The following ITCH variants were observed in gnomAD, a reference collection of about 807,000 sequenced individuals.
ITCH encodes the protein itchy E3 ubiquitin protein ligase, also known as E3 ubiquitin-protein ligase Itchy homolog.
In ITCH, 28 loss-of-function variants were observed where a neutral mutation model predicts 126.8. The observed-to-expected ratio is 0.22, with a 90% confidence interval of 0.16 to 0.30. ITCH has a LOEUF of 0.30. Ranked by LOEUF, ITCH falls within the 10% of genes least tolerant of loss-of-function variation. ITCH has a pLI of 1.00. For synonymous variants in ITCH, 342 were observed against 340.0 expected, an observed-to-expected ratio of 1.01 and a Z score of -0.06; for missense variants, 631 against 1,032.4, an observed-to-expected ratio of 0.61 and a Z score of 5.33.
Position 34,509,095 on chromosome 20 carries a change from C to T in ITCH, c.*1301C>T, listed in dbSNP as rs1488246258. 1 of 152,630 alleles carries T rather than the reference C, an allele frequency of 6.6e-6. No individual in the cohort carries two copies. Among genetic ancestry groups the T allele is most frequent in the African/African-American group, 2.4e-5 (1 of 41,444 alleles). The allele number at this position is 152,630 out of a possible 1,614,324, so 9.5% of individuals were successfully genotyped here. On this transcript the variant is annotated 3_prime_UTR_variant, in exon 25 of 25. Transcript: ENST00000374864. ...TGATAACCCTCATCTGCAATATTTTCACCCCTAAAATTTTTAACAGGGTTT... is the reference window on the plus strand; with the variant it reads ...TGATAACCCTCATCTGCAATATTTTTACCCCTAAAATTTTTAACAGGGTTT...
At chr20:34,428,494 A>G (rs146988799) in intron 7 of ITCH, among the ~76,000 whole-genome samples, 157 of 152,108 alleles carry the variant, frequency 1.0e-3, no homozygotes, top group African/African-American at 3.7e-3. Flanking sequence ...TCTTCTGTTT[A>G]TTTGTTTATT....
chr20:34,438,338 C>A, intron 7 of ITCH, 136 bp from the exon 8 acceptor site: 1 of 846,950 alleles, frequency 1.2e-6, no homozygotes, highest in Non-Finnish European at 1.9e-6. Flanking sequence ...TTTAATAAGG[C>A]TGACCAGAAA....
intron 4 of ITCH, 37 bp from the exon 5 acceptor site, chr20:34,412,478 T>C (rs1277898103): frequency 2.0e-6 from 3 of 1,471,188 alleles, no homozygotes; most frequent in African/African-American, 2.8e-5. Context: ...TGATATTCAA[T>C]AAAAATAATA....
intron 2 of ITCH, among the ~76,000 whole-genome samples, chr20:34,372,533 A>G (rs2037679905): frequency 6.6e-6 from 1 of 151,160 alleles, no homozygotes; most frequent in African/African-American, 2.4e-5. Flanking sequence ...GGCACCCGCC[A>G]CCATGCCTGG....
At position 34,497,603 on chromosome 20, in the gene ITCH, A is replaced by G. The variant is rs115984298; in HGVS notation, c.2416+5006A>G. ...TTTTGTTTTTGTTTTTTGAGATGGA[A>G]TGTATCACTCTGTCACCCAGGCTGG... On this transcript the variant is annotated intron_variant, in intron 23 of 24. Transcript: ENST00000374864. Among the ~76,000 whole-genome samples, 1,186 of 152,050 alleles carry G rather than the reference A, an allele frequency of 7.8e-3. 17 individuals are homozygous for G. The highest frequency in any genetic ancestry group is 0.027 in the African/African-American group (1,121 of 41,484).
chr20:34,374,102 C>G (rs1018682359), intron 2 of ITCH, among the ~76,000 whole-genome samples: 4 of 151,998 alleles, frequency 2.6e-5, no homozygotes, highest in African/African-American at 9.7e-5. Context: ...CCAGGATGGA[C>G]TTTTTATTTT....
intron 2 of ITCH, among the ~76,000 whole-genome samples, chr20:34,381,918 G>T (rs1043272485): frequency 6.6e-6 from 1 of 150,880 alleles, no homozygotes. Context: ...TTTCTCAATT[G>T]TTTTCTTTAA....
chr20:34,456,644 ATATAT>A (rs1427829769), intron 12 of ITCH, among the ~76,000 whole-genome samples: 1 of 90,414 alleles, frequency 1.1e-5, no homozygotes, highest in Non-Finnish European at 2.4e-5. Context: ...AAAAAAAAAA[ATATAT>A]ATATATATAT....
At chr20:34,447,798 G>A (rs1984644833) in intron 11 of ITCH, among the ~76,000 whole-genome samples, 1 of 152,106 alleles carries the variant, frequency 6.6e-6, no homozygotes. Flanking sequence ...CTAAATCCAA[G>A]AGTTATTATA....
intron 12 of ITCH, among the ~76,000 whole-genome samples, chr20:34,454,822 T>TTG (rs1985711304): frequency 2.6e-5 from 1 of 38,376 alleles, no homozygotes; most frequent in East Asian, 6.3e-4. Context: ...TTCCTGTTTT[T>TTG]TTTTTTTTTT....
rs1018637170 is a variant in ITCH at position 34,511,220 on chromosome 20, A to G, written c.*3426A>G. On this transcript the variant is annotated 3_prime_UTR_variant, in exon 25 of 25. Coordinates refer to ENST00000374864, the MANE Select transcript of ITCH (RefSeq NM_031483.7). ...TGGAATTGGCAGCACTGGATTGTAT[A>G]TTACTGTATTAAGAGTACCTTTGTT... 3.3e-5 allele frequency: 5 copies of G among 152,148 alleles called. No homozygotes were observed. The highest frequency in any genetic ancestry group is 1.2e-4 in the African/African-American group (5 of 41,434). 9.4% of individuals were successfully genotyped at this position (152,148 alleles called of 1,614,324 possible).
chr20:34,495,289 A>T (rs56120994), intron 23 of ITCH, among the ~76,000 whole-genome samples: 2,372 of 73,178 alleles, frequency 0.032, 21 homozygotes, highest in African/African-American at 0.046. Context: ...TAAATAAATA[A>T]ATAAAATATA....
intron 3 of ITCH, among the ~76,000 whole-genome samples, chr20:34,397,026 T>G (rs1237919929): frequency 1.3e-5 from 2 of 151,840 alleles, no homozygotes; most frequent in Non-Finnish European, 2.9e-5. Context: ...GGTTTTTTGT[T>G]TTTTTTTGTT....
chr20:34,420,353 C>T (rs1253442319), intron 6 of ITCH, among the ~76,000 whole-genome samples: 1 of 152,164 alleles, frequency 6.6e-6, no homozygotes, highest in Non-Finnish European at 1.5e-5. Context: ...TGTTTGGATT[C>T]TTTACTTAGC....
chr20:34,384,481 A>G (rs2038197286), intron 2 of ITCH, among the ~76,000 whole-genome samples: 2 of 151,580 alleles, frequency 1.3e-5, no homozygotes, highest in South Asian at 4.2e-4. Flanking sequence ...GGGTTTGACC[A>G]TCTTGGGCAG....
chr20:34,456,655 T>G (rs1267357141), intron 12 of ITCH, among the ~76,000 whole-genome samples: 1 of 145,552 alleles, frequency 6.9e-6, no homozygotes, highest in East Asian at 2.0e-4. Context: ...TATATATATA[T>G]ATATGTGTGT....
In ITCH at chr20:34,424,500, G is replaced by C; in HGVS notation, c.496G>C (p.Gly166Arg). The change falls in exon 7 of 25, where the codon GGC (glycine) becomes CGC (arginine). Residue 166 changes from glycine to arginine, a missense_variant. Physicochemically the swap from Gly to Arg is moderately radical, Grantham distance 125 (BLOSUM62 -2). Transcript: ENST00000374864. ...CSESASQNDD[G>R]SRSKDETRVS... ...TAAAGGTGCTTCTCAGAATGATGATGGCTCCAGATCCAAGGATGAAACAAG... is the reference window on the plus strand; with the variant it reads ...TAAAGGTGCTTCTCAGAATGATGATCGCTCCAGATCCAAGGATGAAACAAG... 6.2e-7 allele frequency: 1 copy of C among 1,613,512 alleles called. No individual in the cohort carries two copies. The highest frequency in any genetic ancestry group is 8.5e-7 in the Non-Finnish European group (1 of 1,179,512).
At chr20:34,365,972 G>T (rs75514862) in intron 1 of ITCH, among the ~76,000 whole-genome samples, 96 of 152,278 alleles carry the variant, frequency 6.3e-4, no homozygotes, top group Non-Finnish European at 1.2e-3. Flanking sequence ...GACGAAAGAG[G>T]AAGTGGCCAA....
intron 2 of ITCH, among the ~76,000 whole-genome samples, chr20:34,378,245 A>C (rs2037919535): frequency 6.6e-6 from 1 of 151,936 alleles, no homozygotes; most frequent in East Asian, 1.9e-4. Context: ...CCAAGGCGGG[A>C]GGATCACCTG....
Sources: allele counts gnomAD v4.1 joint callset (sites outside exome capture counted in the v4.1 genomes callset), GRCh38; gene constraint gnomAD v4.1.1; transcripts MANE v1.5; gene names NCBI Gene and HGNC (gene_info 2026-07-23, HGNC 2026-07-21).